The following LMF1 variants were observed in gnomAD, a reference collection of about 807,000 sequenced individuals.
LMF1 encodes the protein transmembrane protein 112.
Under a neutral mutation model 60.6 loss-of-function variants are expected in LMF1, and 68 were observed. The ratio of observed to expected loss-of-function variants is 1.12; its 90% confidence interval spans 0.92 to 1.37. LMF1 has a LOEUF of 1.37. Ranked by LOEUF, LMF1 falls within the 40% of genes most tolerant of loss-of-function variation. The probability of loss-of-function intolerance (pLI) is 0.00; values close to 1 mark genes in which losing one functional copy is unlikely to be tolerated. For missense variants in LMF1, 948 were observed against 767.2 expected, an observed-to-expected ratio of 1.24 and a Z score of -2.78; for synonymous variants, 418 against 324.7, an observed-to-expected ratio of 1.29 and a Z score of -3.09.
At chr16:889,114 G>A (rs967169924) in intron 5 of LMF1, among the ~76,000 whole-genome samples, 1 of 152,200 alleles carries the variant, frequency 6.6e-6, no homozygotes, top group Admixed American at 6.5e-5. Context: ...TGAGTTAGCT[G>A]CAGGGCACCC....
chr16:937,278 C>T (rs963703198), intron 2 of LMF1, among the ~76,000 whole-genome samples: 4 of 152,190 alleles, frequency 2.6e-5, no homozygotes, highest in Admixed American at 1.3e-4. Context: ...TTGGAACTCA[C>T]GTTAGAAGAT....
intron 3 of LMF1, chr16:933,214 G>C (rs1178688858): frequency 6.6e-6 from 1 of 152,258 alleles, no homozygotes; most frequent in African/African-American, 2.4e-5. Flanking sequence ...CAGTGGCCAA[G>C]GTGGCCTGGT....
intron 1 of LMF1, among the ~76,000 whole-genome samples, chr16:955,411 T>C (rs1452465284): frequency 7.0e-6 from 1 of 141,936 alleles, no homozygotes; most frequent in African/African-American, 2.7e-5. Flanking sequence ...CGCACACACA[T>C]GTAAGTGAAC....
chr16:884,202 GTA>G (rs2070243759), intron 5 of LMF1: 1 of 152,178 alleles, frequency 6.6e-6, no homozygotes, highest in African/African-American at 2.4e-5. Flanking sequence ...CACGTTTTTG[GTA>G]TGTTTTTCCA....
At chr16:880,543 G>C (rs1041812770) in intron 5 of LMF1, among the ~76,000 whole-genome samples, 1 of 152,234 alleles carries the variant, frequency 6.6e-6, no homozygotes, top group African/African-American at 2.4e-5. Context: ...GGTGGTGCGT[G>C]CCTGTAGCCC....
chr16:932,718 CCT>C (rs955834337), intron 3 of LMF1, among the ~76,000 whole-genome samples: 53 of 152,186 alleles, frequency 3.5e-4, no homozygotes, highest in African/African-American at 1.2e-3. Flanking sequence ...CTGCACCCAC[CCT>C]GTTGTAATTT....
chr16:856,108 G>A, intron 10 of LMF1: 1 of 377,294 alleles, frequency 2.7e-6, no homozygotes, highest in South Asian at 2.0e-5. Context: ...CGGGCCTTTG[G>A]AAAACCTCCC....
intron 4 of LMF1, among the ~76,000 whole-genome samples, chr16:893,659 G>C (rs1039564535): frequency 1.3e-5 from 2 of 152,148 alleles, no homozygotes; most frequent in African/African-American, 4.8e-5. Flanking sequence ...GTGGGACTTG[G>C]GCAGAGAGGC....
rs528695483 is a variant in LMF1, at chr16:958,765, G to C, written c.194-4099C>G. On this transcript the variant is annotated intron_variant, in intron 1 of 10. Transcript: ENST00000262301. Reference sequence around the variant, plus strand: ...AGCTGGGCATAGTGGTGCACACCTGGAATCCCAGCTACTCGCAAGGCTGAG... The same window carrying C: ...AGCTGGGCATAGTGGTGCACACCTGCAATCCCAGCTACTCGCAAGGCTGAG... Among the ~76,000 whole-genome samples, 6 of 152,136 alleles carry C rather than the reference G, an allele frequency of 3.9e-5. No individual in the cohort carries two copies. The South Asian group carries it at 1.2e-3, about 32-fold the overall frequency.
At chr16:971,019 T>C (rs418079), upstream of LMF1, 13 of 590,108 alleles carry the variant, frequency 2.2e-5, no homozygotes, top group South Asian at 2.1e-4. Context: ...CCGCCCATTC[T>C]CGGAGGCCCC....
At position 954,347 on chromosome 16, in the gene LMF1, T is replaced by C. The variant is rs749279709; in HGVS notation, c.503+10A>G. On this transcript the variant is annotated intron_variant, in intron 2 of 10. Transcript: ENST00000262301. ...CCCTAAGCTCCGACCGCCCCATTCCTGCTACTCACCAGACATGGCCCACAT... is the reference window on the plus strand; with the variant it reads ...CCCTAAGCTCCGACCGCCCCATTCCCGCTACTCACCAGACATGGCCCACAT... 13 of 1,610,182 alleles carry C rather than the reference T, an allele frequency of 8.1e-6. No homozygotes were observed. Among genetic ancestry groups the C allele is most frequent in the Non-Finnish European group, 1.1e-5 (13 of 1,178,834 alleles).
chr16:875,132 G>A (rs1413826040), intron 6 of LMF1, among the ~76,000 whole-genome samples: 1 of 152,122 alleles, frequency 6.6e-6, no homozygotes, highest in Non-Finnish European at 1.5e-5. Flanking sequence ...TGACCTCCGA[G>A]GCCTGGAAGG....
chr16:893,932 AG>A (rs1339023226), intron 4 of LMF1, among the ~76,000 whole-genome samples: 6 of 151,968 alleles, frequency 3.9e-5, no homozygotes, highest in Non-Finnish European at 8.8e-5. Context: ...CCTCCATGAC[AG>A]GGGTTTCTGC....
Position 870,014 on chromosome 16 carries a change from C to T in LMF1, c.1285G>A (p.Ala429Thr), listed in dbSNP as rs943108215. The change falls in exon 9 of 11, where the codon GCC (alanine) becomes ACC (threonine). Residue 429 changes from alanine to threonine, a missense_variant. Coordinates refer to ENST00000262301, the MANE Select transcript of LMF1 (RefSeq NM_022773.4). ...VILQGTASSN[A>T]SAPDAMWEDY... ...TCCCACATGGCATCGGGGGCGCTGG[C>T]GTTGGAGCTGGCTGTGCCCTGCAGG... The T allele has an allele frequency of 5.0e-6, 8 of 1,612,770 alleles. No individual in the cohort carries two copies. The highest frequency in any genetic ancestry group is 4.5e-5 in the East Asian group (2 of 44,882).
At chr16:929,188 C>T (rs1017380713) in intron 3 of LMF1, among the ~76,000 whole-genome samples, 2 of 152,228 alleles carry the variant, frequency 1.3e-5, no homozygotes, top group Non-Finnish European at 2.9e-5. Flanking sequence ...GGCCAGAAAG[C>T]GTCTCCAGAA....
At chr16:929,204 G>A (rs758405028) in intron 3 of LMF1, among the ~76,000 whole-genome samples, 7 of 152,224 alleles carry the variant, frequency 4.6e-5, no homozygotes, top group Non-Finnish European at 1.0e-4. Flanking sequence ...CAGAAGCACT[G>A]GGGACCGGCC....
At chr16:922,105 G>C (rs145944927) in intron 3 of LMF1, among the ~76,000 whole-genome samples, 2 of 152,026 alleles carry the variant, frequency 1.3e-5, no homozygotes, top group African/African-American at 4.8e-5. Context: ...CAGCCAACAC[G>C]GGACAGAGGC....
intron 3 of LMF1, among the ~76,000 whole-genome samples, chr16:914,625 A>C: frequency 6.7e-6 from 1 of 150,094 alleles, no homozygotes; most frequent in Non-Finnish European, 1.5e-5. Flanking sequence ...CCCCATGACC[A>C]TTGGTGACAC....
chr16:958,441 G>A (rs1364179276), intron 1 of LMF1, among the ~76,000 whole-genome samples: 2 of 152,170 alleles, frequency 1.3e-5, no homozygotes, highest in Non-Finnish European at 2.9e-5. Flanking sequence ...GAAAAAACCA[G>A]GCCACAAGGT....
Sources: gnomAD v4.1 joint callset for allele counts (sites outside exome capture counted in the v4.1 genomes callset) on GRCh38, gnomAD v4.1.1 for gene constraint, MANE v1.5 for transcripts, NCBI Gene and HGNC (gene_info 2026-07-23, HGNC 2026-07-21) for gene names.